The following TIPARP variants were observed in gnomAD, a reference collection of about 807,000 sequenced individuals.
TIPARP encodes the protein TCDD inducible poly(ADP-ribose) polymerase, also known as protein mono-ADP-ribosyltransferase TIPARP.
A neutral mutation model predicts 56.5 loss-of-function variants in TIPARP; 12 were observed. That is an observed-to-expected ratio of 0.21 (90% CI 0.14 to 0.34). TIPARP has a LOEUF of 0.34. TIPARP is among the 10% of genes least tolerant of loss of function. The pLI is 1.00. For synonymous variants in TIPARP, 296 were observed against 265.7 expected (o/e 1.11, Z -1.11); for missense variants, 604 against 781.6 (o/e 0.77, Z 2.71).
intron 4 of TIPARP, among the ~76,000 whole-genome samples, chr3:156,698,000 G>T (rs751841129): frequency 2.0e-5 from 3 of 152,164 alleles, no homozygotes; most frequent in Non-Finnish European, 4.4e-5. Context: ...GTAAGCACAC[G>T]AATTATAAGA....
At chr3:156,677,206 T>G (rs1306582389) in intron 1 of TIPARP, among the ~76,000 whole-genome samples, 3 of 152,210 alleles carry the variant, frequency 2.0e-5, no homozygotes, top group Admixed American at 1.3e-4. Context: ...TTGATGAACT[T>G]TTAAAGAAAC....
At chr3:156,684,483 G>A (rs532016738) in intron 2 of TIPARP, among the ~76,000 whole-genome samples, 1 of 152,264 alleles carries the variant, frequency 6.6e-6, no homozygotes, top group Non-Finnish European at 1.5e-5. Flanking sequence ...TTTCAGGCTG[G>A]AGTGCAGTGG....
chr3:156,694,594 G>A (rs1447656377), intron 3 of TIPARP, among the ~76,000 whole-genome samples: 2 of 152,182 alleles, frequency 1.3e-5, no homozygotes, highest in Non-Finnish European at 2.9e-5. Flanking sequence ...AAGCCCAATG[G>A]AAACAATCAC....
intron 2 of TIPARP, among the ~76,000 whole-genome samples, chr3:156,690,331 A>G (rs942629169): frequency 6.6e-6 from 1 of 152,126 alleles, no homozygotes; most frequent in African/African-American, 2.4e-5. Flanking sequence ...ATACTAAGAT[A>G]TTAGTATACT....
At chr3:156,679,416 TGAA>T (rs1722235175) in intron 2 of TIPARP, among the ~76,000 whole-genome samples, 2 of 152,096 alleles carry the variant, frequency 1.3e-5, no homozygotes, top group Non-Finnish European at 2.9e-5. Context: ...AACTTTAAAA[TGAA>T]GAAAATGATA....
At chr3:156,675,534 C>T (rs1051340261) in intron 1 of TIPARP, 3 of 152,504 alleles carry the variant, frequency 2.0e-5, no homozygotes, top group Admixed American at 6.5e-5. Flanking sequence ...GAGGGGAAGG[C>T]GGGGGCGGGG....
intron 4 of TIPARP, among the ~76,000 whole-genome samples, chr3:156,696,674 A>G (rs1577040644): frequency 6.6e-6 from 1 of 152,334 alleles, no homozygotes; most frequent in East Asian, 1.9e-4. Context: ...CAGACAACCC[A>G]GTGGCACATC....
chr3:156,698,531 G>A (rs1027929663), intron 4 of TIPARP, among the ~76,000 whole-genome samples: 1 of 152,184 alleles, frequency 6.6e-6, no homozygotes, highest in African/African-American at 2.4e-5. Flanking sequence ...TGGAAAAAGT[G>A]TGGATGACAG....
intron 2 of TIPARP, among the ~76,000 whole-genome samples, chr3:156,682,765 T>G (rs868538504): frequency 1.6e-4 from 25 of 152,208 alleles, no homozygotes; most frequent in Admixed American, 1.4e-3. Context: ...TTTTTGGTAG[T>G]TCTTGAATAT....
At chr3:156,681,475 T>G (rs1221063671) in intron 2 of TIPARP, among the ~76,000 whole-genome samples, 8 of 152,340 alleles carry the variant, frequency 5.3e-5, no homozygotes, top group Non-Finnish European at 1.0e-4. Flanking sequence ...TCTGGGTCTC[T>G]AGCAGAGATG....
Position 156,678,158 on chromosome 3 carries a change from CCACACCA to C in TIPARP, c.462_468del (p.Thr155LeufsTer22). On this transcript the variant is annotated frameshift_variant, in exon 2 of 6. Coordinates refer to ENST00000295924, the MANE Select transcript of TIPARP (RefSeq NM_015508.5). LOFTEE classifies it high-confidence loss of function. ...ACCCTCAGTGGGACGGTGGCAGATT[CCACACCA>C]GCTCACTTCCAGACTGATCTTTTGC... 6.2e-7 allele frequency: 1 copy of C among 1,614,112 alleles called. No individual in the cohort carries two copies. Among genetic ancestry groups the C allele is most frequent in the Non-Finnish European group, 8.5e-7 (1 of 1,180,040 alleles).
At chr3:156,689,427 A>G (rs1029886108) in intron 2 of TIPARP, among the ~76,000 whole-genome samples, 2 of 152,216 alleles carry the variant, frequency 1.3e-5, no homozygotes, top group Non-Finnish European at 2.9e-5. Flanking sequence ...ATGGCTGTTC[A>G]TAGAATAATA....
At chr3:156,675,181 G>GT (rs1436941028) in intron 1 of TIPARP, 3 of 151,910 alleles carry the variant, frequency 2.0e-5, no homozygotes, top group South Asian at 2.1e-4. Context: ...CAGACCCCGG[G>GT]GGGGAGGGCA....
At position 156,706,721 on chromosome 3, in the gene TIPARP, T is replaced by G. The variant is rs1722992138; in HGVS notation, c.*1590T>G. 1 of 152,658 alleles carries G rather than the reference T, an allele frequency of 6.6e-6. No individual in the cohort carries two copies. 9.5% of individuals were successfully genotyped at this position (152,658 alleles called of 1,614,324 possible). ...AAAAGAAAGCTTTATGACATATTTATTTTTTTAATAAAACTAAGCAAAAAT... is the reference window on the plus strand; with the variant it reads ...AAAAGAAAGCTTTATGACATATTTAGTTTTTTAATAAAACTAAGCAAAAAT... On this transcript the variant is annotated 3_prime_UTR_variant, in exon 6 of 6. Coordinates refer to ENST00000295924, the MANE Select transcript of TIPARP (RefSeq NM_015508.5).
chr3:156,685,894 T>C (rs1224415088), intron 2 of TIPARP, among the ~76,000 whole-genome samples: 1 of 152,252 alleles, frequency 6.6e-6, no homozygotes, highest in African/African-American at 2.4e-5. Context: ...TCACAGTTCC[T>C]GCAGCTGATC....
At chr3:156,686,175 A>ACATTTGGAT (rs1027313469) in intron 2 of TIPARP, among the ~76,000 whole-genome samples, 1 of 152,182 alleles carries the variant, frequency 6.6e-6, no homozygotes, top group African/African-American at 2.4e-5. Flanking sequence ...TTGCTTTCTG[A>ACATTTGGAT]CATTTGGATT....
intron 2 of TIPARP, among the ~76,000 whole-genome samples, chr3:156,688,660 A>T (rs1722494486): frequency 6.6e-6 from 1 of 152,298 alleles, no homozygotes; most frequent in South Asian, 2.1e-4. Context: ...TGTGTATGCC[A>T]TGGCTTTGAT....
Position 156,704,961 on chromosome 3 carries a change from G to A in TIPARP, c.1804G>A (p.Gly602Ser), listed in dbSNP as rs1722943977. 3.1e-6 allele frequency: 5 copies of A among 1,614,216 alleles called. No homozygotes were observed. The highest frequency in any genetic ancestry group is 4.2e-6 in the Non-Finnish European group (5 of 1,180,036). Residue 602 changes from glycine (G) to serine (S), a missense_variant, in exon 6 of 6, where the codon GGC (glycine) becomes AGC (serine). By Grantham distance (56) the Gly-to-Ser change is moderately conservative. Transcript: ENST00000295924. ...GGGCAGATACACAATGGGCAGTCAT[G>A]GCATGAGAAGGCCCCCGCCAGTCAA... ...LTGRYTMGSH[G>S]MRRPPPVNPG...
intron 4 of TIPARP, among the ~76,000 whole-genome samples, chr3:156,696,921 T>G (rs1722728249): frequency 6.6e-6 from 1 of 152,232 alleles, no homozygotes; most frequent in Non-Finnish European, 1.5e-5. Flanking sequence ...TGTTTTTATT[T>G]TAGCTCAAAC....
Sources: gnomAD v4.1 joint callset for allele counts (sites outside exome capture counted in the v4.1 genomes callset) on GRCh38, gnomAD v4.1.1 for gene constraint, MANE v1.5 for transcripts, NCBI Gene and HGNC (gene_info 2026-07-23, HGNC 2026-07-21) for gene names.